TSGA10: variants seen among roughly 807,000 people sequenced by gnomAD.
The protein encoded by TSGA10 is testis-specific gene 10 protein.
A neutral mutation model predicts 96.6 loss-of-function variants in TSGA10; 43 were observed. That is an observed-to-expected ratio of 0.44 (90% confidence interval 0.35 to 0.57). The LOEUF is 0.57. TSGA10 is among the 20% of genes least tolerant of loss of function. The pLI is 0.01. For synonymous variants in TSGA10, 229 were observed against 269.9 expected (o/e 0.85, Z 1.48); for missense variants, 703 against 834.4 (o/e 0.84, Z 1.94).
chr2:99,110,121 C>T (rs1006132908), intron 5 of TSGA10, among the ~76,000 whole-genome samples: 2 of 152,104 alleles, frequency 1.3e-5, no homozygotes, highest in Admixed American at 1.3e-4. Context: ...GCCGAGAATG[C>T]GCCATTGCAC....
intron 1 of TSGA10, among the ~76,000 whole-genome samples, chr2:99,128,379 C>T (rs978254614): frequency 5.3e-5 from 8 of 152,120 alleles, no homozygotes; most frequent in Non-Finnish European, 8.8e-5. Flanking sequence ...TCCTAACTAC[C>T]ATTTCTTACA....
intron 2 of TSGA10, chr2:99,126,837 A>G (rs1173434737): frequency 3.5e-6 from 1 of 286,888 alleles, no homozygotes; most frequent in Non-Finnish European, 6.1e-6. Context: ...GTATACCTGA[A>G]AACATCTGAC....
chr2:99,147,503 A>G (rs780169932), intron 1 of TSGA10: 1 of 1,613,636 alleles, frequency 6.2e-7, no homozygotes, highest in South Asian at 1.1e-5. Context: ...GGTAAGACTC[A>G]CAGGGCCAAG....
At position 99,059,080 on chromosome 2, in the gene TSGA10, TTA is replaced by T. The variant is rs1229831309; in HGVS notation, c.1404+5857_1404+5858del. Among the ~76,000 whole-genome samples the T allele has an allele frequency of 3.7e-4, 20 of 54,324 alleles. 1 individual carries two copies. In the South Asian group the frequency reaches 5.5e-3, roughly 15 times the overall value. The allele number at this position is 54,324 out of a possible 152,430, so 35.6% of individuals were successfully genotyped here. On this transcript the variant is annotated intron_variant, in intron 16 of 20. Coordinates refer to ENST00000393483, the MANE Select transcript of TSGA10 (RefSeq NM_025244.4). Reference sequence around the variant, plus strand: ...TATATATATATATATTTATATATTTTTATATATATATATATATGCAATCTAAT... The same window carrying T: ...TATATATATATATATTTATATATTTTTATATATATATATATGCAATCTAAT...
In TSGA10 at chr2:98,997,938, G is replaced by T; in HGVS notation, c.*259C>A. The T allele has an allele frequency of 2.8e-6, 1 of 363,246 alleles. No homozygotes were observed. The highest frequency in any genetic ancestry group is 4.9e-6 in the Non-Finnish European group (1 of 203,514). 22.5% of individuals were successfully genotyped at this position (363,246 alleles called of 1,614,324 possible). On this transcript the variant is annotated 3_prime_UTR_variant, in exon 21 of 21. Coordinates refer to ENST00000393483, the MANE Select transcript of TSGA10 (RefSeq NM_025244.4). ...TTTACTCCAGATAGTGAACAGAATA[G>T]TGTTCAATAGTGAAGTAAGCAGATT...
At chr2:99,008,103 T>C (rs553071310) in intron 20 of TSGA10, among the ~76,000 whole-genome samples, 51 of 152,154 alleles carry the variant, frequency 3.4e-4, no homozygotes, top group African/African-American at 1.2e-3. Context: ...AATATACAAG[T>C]ACTAAAAGAA....
intron 1 of TSGA10, among the ~76,000 whole-genome samples, chr2:99,153,701 G>A (rs1275588236): frequency 6.6e-6 from 1 of 152,130 alleles, no homozygotes; most frequent in Non-Finnish European, 1.5e-5. Flanking sequence ...AGTTAACTCT[G>A]AACAAAATTC....
intron 16 of TSGA10, among the ~76,000 whole-genome samples, chr2:99,063,101 A>G (rs2084878988): frequency 6.6e-6 from 1 of 152,208 alleles, no homozygotes; most frequent in Non-Finnish European, 1.5e-5. Flanking sequence ...ACTTATTTTT[A>G]TGACAAAGTA....
chr2:99,141,092 C>G lies in TSGA10; in HGVS notation c.-621+13601G>C, dbSNP rs771392010. 2.3e-5 allele frequency: 30 copies of G among 1,283,530 alleles called. No individual in the cohort carries two copies. In the East Asian group the frequency reaches 1.6e-3, roughly 68 times the overall value. 79.5% of individuals were successfully genotyped at this position (1,283,530 alleles called of 1,614,324 possible). A position where few individuals can be genotyped will look rare whatever the true frequency, so the allele number is the denominator to read the frequency against. On this transcript the variant is annotated intron_variant, in intron 1 of 20. Coordinates refer to ENST00000393483, the MANE Select transcript of TSGA10 (RefSeq NM_025244.4). ...CCTCCGCAGCTTCTACCTGGAGCTC[C>G]GGGTCCCTCCCCGGGCTCCTCGGCC...
At chr2:99,084,864 G>A (rs553109884) in intron 10 of TSGA10, among the ~76,000 whole-genome samples, 20 of 151,664 alleles carry the variant, frequency 1.3e-4, no homozygotes, top group African/African-American at 4.6e-4. Flanking sequence ...TGTGTCCCAG[G>A]GCCAAAATTA....
Position 99,154,924 on chromosome 2 carries a change from C to G in TSGA10, c.-852G>C, listed in dbSNP as rs970595750. ...CCTGCGCGCCCCTCCTTCTCTTGCG[C>G]TTCAGGGGGCCGGCCCTCAGGGGGC... On this transcript the variant is annotated 5_prime_UTR_variant, in exon 1 of 21. Coordinates refer to ENST00000393483, the MANE Select transcript of TSGA10 (RefSeq NM_025244.4). The G allele has an allele frequency of 2.2e-6, 1 of 445,250 alleles. No individual in the cohort carries two copies. The highest frequency in any genetic ancestry group is 4.5e-6 in the Non-Finnish European group (1 of 220,708). 27.6% of individuals were successfully genotyped at this position (445,250 alleles called of 1,614,324 possible).
intron 17 of TSGA10, among the ~76,000 whole-genome samples, chr2:99,020,846 A>G (rs1218019621): frequency 6.6e-6 from 1 of 151,826 alleles, no homozygotes; most frequent in East Asian, 1.9e-4. Context: ...TGCTTATAGA[A>G]TGTCATTGGA....
At chr2:99,118,767 G>T in intron 2 of TSGA10, 81 bp from the exon 3 acceptor site, 1 of 666,604 alleles carries the variant, frequency 1.5e-6, no homozygotes, top group Non-Finnish European at 1.9e-6. Flanking sequence ...TACAAAGATA[G>T]GTTAGATACC....
chr2:99,107,021 G>C (rs921156942), intron 7 of TSGA10, among the ~76,000 whole-genome samples: 2 of 152,134 alleles, frequency 1.3e-5, no homozygotes, highest in Non-Finnish European at 2.9e-5. Flanking sequence ...TACGACCTGA[G>C]TGTGCTATCA....
intron 2 of TSGA10, among the ~76,000 whole-genome samples, chr2:99,120,304 A>T (rs1296428132): frequency 6.6e-6 from 1 of 152,154 alleles, no homozygotes; most frequent in African/African-American, 2.4e-5. Context: ...CCAAGACAAA[A>T]GTACTTTAGA....
rs2093532664 is a variant in TSGA10 at position 99,141,154 on chromosome 2, G to A, written c.-621+13539C>T. ...CCAGAGCTCATCCCCGCGACTGTCA[G>A]CTCTCGGCCTCAGCGGGGGATACAA... On this transcript the variant is annotated intron_variant, in intron 1 of 20. Transcript: ENST00000393483. The A allele has an allele frequency of 3.2e-6, 4 of 1,266,892 alleles. No individual in the cohort carries two copies. The African/African-American group carries it at 4.7e-5, about 15-fold the overall frequency. 78.5% of individuals were successfully genotyped at this position (1,266,892 alleles called of 1,614,324 possible).
chr2:99,099,103 G>A (rs566084269), intron 10 of TSGA10, among the ~76,000 whole-genome samples: 5 of 152,130 alleles, frequency 3.3e-5, no homozygotes, highest in Middle Eastern at 6.8e-3. Context: ...ACCTGAGGTC[G>A]GGAGTTCAAG....
At chr2:99,121,112 C>T (rs1486369021) in intron 2 of TSGA10, among the ~76,000 whole-genome samples, 3 of 152,040 alleles carry the variant, frequency 2.0e-5, no homozygotes, top group African/African-American at 4.8e-5. Context: ...ATAACAAAGC[C>T]GCTATGAACA....
chr2:99,117,471 T>G, intron 4 of TSGA10, 73 bp downstream of exon 4: 1 of 710,836 alleles, frequency 1.4e-6, no homozygotes, highest in Non-Finnish European at 1.7e-6. Context: ...GAATGCTACT[T>G]TTTCCATTGC....
Sources: gnomAD v4.1 joint callset for allele counts (sites outside exome capture counted in the v4.1 genomes callset) on GRCh38, gnomAD v4.1.1 for gene constraint, MANE v1.5 for transcripts, NCBI Gene and HGNC (gene_info 2026-07-23, HGNC 2026-07-21) for gene names.